Variants in DMD observed in about 807,000 individuals in gnomAD.
The protein encoded by DMD is mutant dystrophin.
Under a neutral mutation model 330.1 loss-of-function variants are expected in DMD, and 63 were observed. The observed-to-expected ratio is 0.19, with a 90% CI of 0.16 to 0.24. The LOEUF (loss-of-function observed/expected upper bound fraction) is 0.24, where lower values mean the gene tolerates loss of function less well. Among genes scored for constraint, DMD ranks in the 10% least tolerant of loss-of-function variants. The pLI is 1.00. For synonymous variants in DMD, 1,223 were observed against 959.8 expected (o/e 1.27, Z -5.07); for missense variants, 3,344 against 2,684.1 (o/e 1.25, Z -5.43).
chrX:32,026,230 G>A lies in DMD; in HGVS notation c.6439-57716C>T, dbSNP rs1047505380. ...GCCTCATCTCCATTTCATCAACTGA[G>A]ACATTTATTTTGACTTTAGCTTTAG... On this transcript the variant is annotated intron_variant, in intron 44 of 78. Coordinates refer to ENST00000357033, the MANE Select transcript of DMD (RefSeq NM_004006.3). Among the ~76,000 whole-genome samples, 13 of 112,119 alleles carry A rather than the reference G, an allele frequency of 1.2e-4. No homozygotes were observed. The Middle Eastern group carries it at 0.014, about 120-fold the overall frequency.
chrX:31,488,452 T>G (rs1174504486), intron 57 of DMD, among the ~76,000 whole-genome samples: 1 of 110,644 alleles, frequency 9.0e-6, no homozygotes, highest in Non-Finnish European at 1.9e-5. Context: ...TCATACCCTT[T>G]GTGTCTGTCT....
At chrX:32,280,854 C>A (rs1313878732) in intron 43 of DMD, among the ~76,000 whole-genome samples, 1 of 112,029 alleles carries the variant, frequency 8.9e-6, no homozygotes, top group Non-Finnish European at 1.9e-5. Context: ...TATTGAATGT[C>A]TCAGTAGAAA....
intron 2 of DMD, among the ~76,000 whole-genome samples, chrX:32,969,027 CAAAAAAAAAAAAAAAAAAAA>C (rs142087164): frequency 1.5e-4 from 3 of 19,813 alleles, no homozygotes; most frequent in Non-Finnish European, 2.8e-4. Context: ...GATTCTGTCT[CAAAAAAAAAAAAAAAAAAAA>C]AAAAAAAAAG....
At chrX:32,708,476 T>C (rs1177847325) in intron 7 of DMD, among the ~76,000 whole-genome samples, 6 of 111,256 alleles carry the variant, frequency 5.4e-5, no homozygotes. Context: ...ATCTTGCAAA[T>C]AATTAGGGAT....
intron 62 of DMD, among the ~76,000 whole-genome samples, chrX:31,321,995 G>A (rs1315281972): frequency 8.9e-6 from 1 of 111,754 alleles, no homozygotes; most frequent in African/African-American, 3.3e-5. Flanking sequence ...CAATGGGACC[G>A]GGGAGACCCT....
At chrX:31,312,854 C>G (rs2055635276) in intron 62 of DMD, among the ~76,000 whole-genome samples, 1 of 111,306 alleles carries the variant, frequency 9.0e-6, no homozygotes, top group South Asian at 3.8e-4. Flanking sequence ...AACACAGGAA[C>G]AGAAAACCAA....
At chrX:33,302,390 G>A (rs1270937739) in intron 1 of DMD, among the ~76,000 whole-genome samples, 3 of 111,675 alleles carry the variant, frequency 2.7e-5, no homozygotes, top group African/African-American at 9.8e-5. Context: ...CCACTTCACT[G>A]ACTCTTCTAC....
At chrX:32,787,075 T>C (rs1267666495) in intron 7 of DMD, among the ~76,000 whole-genome samples, 2 of 110,820 alleles carry the variant, frequency 1.8e-5, no homozygotes, top group African/African-American at 6.6e-5. Context: ...GAAAACCTAG[T>C]TATACTTTTG....
At chrX:32,373,459 A>T (rs1468264272) in intron 34 of DMD, among the ~76,000 whole-genome samples, 1 of 111,286 alleles carries the variant, frequency 9.0e-6, no homozygotes, top group East Asian at 2.8e-4. Context: ...AGTCTCTGTC[A>T]CAATTACTCA....
intron 55 of DMD, among the ~76,000 whole-genome samples, chrX:31,553,418 G>A (rs1306067400): frequency 9.0e-6 from 1 of 111,547 alleles, no homozygotes; most frequent in Non-Finnish European, 1.9e-5. Context: ...CTATTAGGTT[G>A]GTGCAAAAGT....
intron 55 of DMD, among the ~76,000 whole-genome samples, chrX:31,517,359 G>C (rs1444638184): frequency 9.0e-6 from 1 of 111,099 alleles, no homozygotes; most frequent in East Asian, 2.8e-4. Context: ...GAAGATATGA[G>C]GCCGTTCAAA....
At chrX:32,285,719 G>C (rs2097437890) in intron 43 of DMD, among the ~76,000 whole-genome samples, 1 of 110,868 alleles carries the variant, frequency 9.0e-6, no homozygotes, top group African/African-American at 3.3e-5. Context: ...TGTTTTGTTT[G>C]AGACGGAGCC....
chrX:31,155,630 G>C (rs2038025338), intron 74 of DMD, among the ~76,000 whole-genome samples: 1 of 111,435 alleles, frequency 9.0e-6, no homozygotes, highest in Non-Finnish European at 1.9e-5. Flanking sequence ...TTAAATGAAA[G>C]ACAAATTCTG....
chrX:32,243,542 C>A (rs2097217467), intron 43 of DMD, among the ~76,000 whole-genome samples: 1 of 112,064 alleles, frequency 8.9e-6, no homozygotes, highest in African/African-American at 3.2e-5. Flanking sequence ...TGTCACCAAA[C>A]ATGAAGTTAG....
intron 55 of DMD, among the ~76,000 whole-genome samples, chrX:31,589,459 C>T (rs1226235789): frequency 9.0e-6 from 1 of 111,289 alleles, no homozygotes; most frequent in Non-Finnish European, 1.9e-5. Flanking sequence ...GAAGAAGGAA[C>T]TGGGGGTGAG....
At chrX:31,966,926 G>T (rs2095356195) in intron 45 of DMD, among the ~76,000 whole-genome samples, 1 of 110,130 alleles carries the variant, frequency 9.1e-6, no homozygotes, top group Admixed American at 9.7e-5. Flanking sequence ...TAATCTTCCA[G>T]TCGATTTAAT....
At chrX:32,887,776 A>AAAAAAAAAAAC (rs1259032561) in intron 2 of DMD, among the ~76,000 whole-genome samples, 1 of 95,048 alleles carries the variant, frequency 1.1e-5, no homozygotes, top group Non-Finnish European at 2.1e-5. Context: ...AAAAAAAAAA[A>AAAAAAAAAAAC]CATCAACTAA....
intron 26 of DMD, 108 bp from the exon 27 acceptor site, chrX:32,448,746 G>A: frequency 2.8e-6 from 2 of 717,619 alleles, no homozygotes; most frequent in East Asian, 3.6e-5. Context: ...GTTAGAATGA[G>A]AATTACAAAA....
chrX:32,620,683 T>C (rs2057923023), intron 11 of DMD, among the ~76,000 whole-genome samples: 1 of 112,305 alleles, frequency 8.9e-6, no homozygotes, highest in African/African-American at 3.2e-5. Context: ...AACAAATCTT[T>C]ACTGAGTTTC....
Sources: gnomAD v4.1 joint callset for allele counts (sites outside exome capture counted in the v4.1 genomes callset) on GRCh38, gnomAD v4.1.1 for gene constraint, MANE v1.5 for transcripts, NCBI Gene and HGNC (gene_info 2026-07-23, HGNC 2026-07-21) for gene names.